VRK2: variants seen among roughly 807,000 people sequenced by gnomAD.
VRK2 encodes the protein VRK serine/threonine kinase 2.
VRK2 carries 60 observed loss-of-function variants against 57.6 expected under a neutral mutation model. The ratio of observed to expected loss-of-function variants is 1.04; its 90% confidence interval spans 0.85 to 1.29. The LOEUF is 1.29. Ranked by LOEUF, VRK2 falls within the 50% of genes most tolerant of loss-of-function variation. The pLI is 0.00. For missense variants in VRK2, 705 were observed against 588.1 expected (o/e 1.20, Z -2.06); for synonymous variants, 231 against 199.2 (o/e 1.16, Z -1.35).
chr2:57,917,807 C>A (rs1376833170), intron 1 of VRK2, among the ~76,000 whole-genome samples: 1 of 151,812 alleles, frequency 6.6e-6, no homozygotes, highest in African/African-American at 2.4e-5. Context: ...TACATGCAAT[C>A]CCTATAATAT....
chr2:58,076,910 A>C (rs1157526457), intron 2 of VRK2, among the ~76,000 whole-genome samples: 5 of 151,824 alleles, frequency 3.3e-5, no homozygotes, highest in African/African-American at 1.2e-4. Context: ...CATATTCTCT[A>C]CTCGACTGCC....
intron 8 of VRK2, among the ~76,000 whole-genome samples, chr2:58,123,970 A>G (rs1277210086): frequency 1.3e-5 from 2 of 152,152 alleles, no homozygotes; most frequent in Non-Finnish European, 1.5e-5. Flanking sequence ...GAAACCATAA[A>G]GTGTTAATTT....
Position 58,131,796 on chromosome 2 carries a change from T to A in VRK2, c.677-12T>A. 6.3e-7 allele frequency: 1 copy of A among 1,597,180 alleles called. No homozygotes were observed. The highest frequency in any genetic ancestry group is 1.3e-5 in the African/African-American group (1 of 74,138). On this transcript the variant is annotated splice_polypyrimidine_tract_variant and intron_variant, in intron 8 of 12. Coordinates refer to ENST00000340157, the MANE Select transcript of VRK2 (RefSeq NM_006296.7). ...TATCCCTTATCTTTCTCTCTAATGCTTACTCCTATAGCCTTGTCCAGACGA... is the reference window on the plus strand; with the variant it reads ...TATCCCTTATCTTTCTCTCTAATGCATACTCCTATAGCCTTGTCCAGACGA...
chr2:58,151,731 GTTTTTTT>G (rs60379025), intron 12 of VRK2, among the ~76,000 whole-genome samples: 1 of 16,722 alleles, frequency 6.0e-5, no homozygotes, highest in African/African-American at 1.3e-4. Flanking sequence ...TTCTATGCTT[GTTTTTTT>G]TTTTTTTTTT....
chr2:58,061,461 C>A (rs1677330099), intron 2 of VRK2, among the ~76,000 whole-genome samples: 1 of 151,852 alleles, frequency 6.6e-6, no homozygotes, highest in Non-Finnish European at 1.5e-5. Flanking sequence ...GAAAAAAAGT[C>A]TGTAAGCCTC....
At chr2:57,926,226 T>A in intron 1 of VRK2, among the ~76,000 whole-genome samples, 1 of 152,120 alleles carries the variant, frequency 6.6e-6, no homozygotes, top group African/African-American at 2.4e-5. Flanking sequence ...GTTCTGTATA[T>A]ATCTGCTAGG....
intron 1 of VRK2, among the ~76,000 whole-genome samples, chr2:57,928,430 ATTCT>A (rs1459783757): frequency 3.9e-5 from 6 of 152,184 alleles, no homozygotes; most frequent in South Asian, 2.1e-4. Context: ...AGGCTTCTGA[ATTCT>A]TTCTTTGTGT....
chr2:58,123,888 T>C (rs1349775014), intron 8 of VRK2, among the ~76,000 whole-genome samples: 1 of 152,014 alleles, frequency 6.6e-6, no homozygotes, highest in Non-Finnish European at 1.5e-5. Flanking sequence ...CGAACAATTA[T>C]TCCTGTTTTT....
intron 7 of VRK2, among the ~76,000 whole-genome samples, chr2:58,111,662 A>G (rs541138480): frequency 1.1e-4 from 16 of 152,322 alleles, no homozygotes; most frequent in African/African-American, 3.8e-4. Context: ...CTACAACGCA[A>G]ATAATCACAC....
intron 1 of VRK2, among the ~76,000 whole-genome samples, chr2:58,001,349 T>C (rs529072852): frequency 2.0e-4 from 31 of 152,332 alleles, no homozygotes; most frequent in African/African-American, 7.2e-4. Flanking sequence ...TGTTTAACTA[T>C]TATTATTTTG....
intron 2 of VRK2, among the ~76,000 whole-genome samples, chr2:58,072,865 C>A (rs558071507): frequency 7.6e-4 from 115 of 151,920 alleles, no homozygotes; most frequent in African/African-American, 2.7e-3. Flanking sequence ...AGAATTCACC[C>A]ATTAGCCCAT....
At chr2:57,989,915 T>A (rs997670436) in intron 1 of VRK2, among the ~76,000 whole-genome samples, 15 of 152,132 alleles carry the variant, frequency 9.9e-5, no homozygotes, top group Non-Finnish European at 1.9e-4. Flanking sequence ...ATTTAGAACA[T>A]CTAACTGGAA....
chr2:58,159,185 T>G, intron 12 of VRK2, 164 bp from the exon 13 acceptor site: 1 of 550,888 alleles, frequency 1.8e-6, no homozygotes, highest in Non-Finnish European at 3.1e-6. Context: ...TTAAAAAGTG[T>G]AAATCTTTAA....
intron 6 of VRK2, among the ~76,000 whole-genome samples, 190 bp from the exon 7 acceptor site, chr2:58,089,441 C>G (rs566592071): frequency 1.3e-5 from 2 of 152,228 alleles, no homozygotes; most frequent in East Asian, 3.9e-4. Flanking sequence ...TTTTGAGGAT[C>G]ATTTTACTTT....
intron 8 of VRK2, among the ~76,000 whole-genome samples, chr2:58,128,375 A>G (rs1454858722): frequency 6.6e-6 from 1 of 152,158 alleles, no homozygotes; most frequent in Non-Finnish European, 1.5e-5. Context: ...TCTGTTGTCC[A>G]GGCTGGAGGA....
chr2:58,022,915 T>C (rs1194761767), intron 1 of VRK2, among the ~76,000 whole-genome samples: 1 of 152,168 alleles, frequency 6.6e-6, no homozygotes, highest in East Asian at 1.9e-4. Context: ...TACTGGAAGG[T>C]AGGATAGATA....
intron 11 of VRK2, among the ~76,000 whole-genome samples, chr2:58,142,613 C>T (rs1054780427): frequency 6.6e-6 from 1 of 151,824 alleles, no homozygotes; most frequent in African/African-American, 2.4e-5. Context: ...CCATCACAGT[C>T]TCTTTATGCC....
chr2:57,957,285 A>G (rs1222130735), intron 1 of VRK2, among the ~76,000 whole-genome samples: 1 of 152,158 alleles, frequency 6.6e-6, no homozygotes, highest in Non-Finnish European at 1.5e-5. Flanking sequence ...TCTTGTAAAA[A>G]GATACATTTT....
intron 1 of VRK2, among the ~76,000 whole-genome samples, chr2:57,926,439 ATGTGTGTGTGTG>A (rs142768773): frequency 2.2e-4 from 32 of 145,654 alleles, no homozygotes; most frequent in Admixed American, 1.2e-3. Flanking sequence ...ACATATATAT[ATGTGTGTGTGTG>A]TGTGTGTGTG....
Sources: allele counts gnomAD v4.1 joint callset (sites outside exome capture counted in the v4.1 genomes callset), GRCh38; gene constraint gnomAD v4.1.1; transcripts MANE v1.5; gene names NCBI Gene and HGNC (gene_info 2026-07-23, HGNC 2026-07-21).